Variants in RALGAPA1 observed in about 807,000 individuals in gnomAD.
RALGAPA1 encodes ral GTPase-activating protein subunit alpha-1.
In RALGAPA1, 52 loss-of-function variants were observed where a neutral mutation model predicts 269.6. The ratio of observed to expected loss-of-function variants is 0.19; its 90% CI spans 0.15 to 0.24. The LOEUF (loss-of-function observed/expected upper bound fraction) is 0.24, where lower values mean the gene tolerates loss of function less well. Among genes scored for constraint, RALGAPA1 ranks in the 10% least tolerant of loss-of-function variants. The pLI is 1.00. For synonymous variants in RALGAPA1, 817 were observed against 1,008.3 expected (o/e 0.81, Z 3.60); for missense variants, 1,917 against 3,013.9 (o/e 0.64, Z 8.52).
chr14:35,676,210 A>C (rs909710717), intron 22 of RALGAPA1: 1 of 151,836 alleles, frequency 6.6e-6, no homozygotes, highest in South Asian at 2.1e-4. Context: ...TCTTTGATTA[A>C]ATTCTTTTTT....
chr14:35,721,270 T>C (rs1360727369), intron 16 of RALGAPA1, among the ~76,000 whole-genome samples: 1 of 152,216 alleles, frequency 6.6e-6, no homozygotes, highest in Non-Finnish European at 1.5e-5. Context: ...AATGAGATTC[T>C]TGTTGGAAGT....
intron 1 of RALGAPA1, among the ~76,000 whole-genome samples, chr14:35,792,432 T>C (rs911951625): frequency 1.3e-5 from 2 of 152,040 alleles, no homozygotes; most frequent in Non-Finnish European, 2.9e-5. Flanking sequence ...GTTGGGATTA[T>C]AGGCATGAAC....
chr14:35,798,885 A>G (rs535793454), intron 1 of RALGAPA1, among the ~76,000 whole-genome samples: 3 of 151,992 alleles, frequency 2.0e-5, no homozygotes, highest in Middle Eastern at 3.4e-3. Flanking sequence ...AATCCCAGCT[A>G]TTTTGCAGAC....
intron 1 of RALGAPA1, among the ~76,000 whole-genome samples, chr14:35,790,212 C>T (rs775551668): frequency 1.3e-5 from 2 of 152,052 alleles, no homozygotes; most frequent in Non-Finnish European, 2.9e-5. Flanking sequence ...GAGATCTCAC[C>T]ACTGCACTCC....
chr14:35,541,047 T>TTTTTTTTTTTTTTTTTTTTC, intron 41 of RALGAPA1, among the ~76,000 whole-genome samples: 1 of 130,506 alleles, frequency 7.7e-6, no homozygotes, highest in African/African-American at 3.4e-5. Flanking sequence ...TCAATTTTTT[T>TTTTTTTTTTTTTTTTTTTTC]TTTTTTTTTT....
At position 35,779,899 on chromosome 14, in the gene RALGAPA1, G is replaced by A. The variant is rs187817639; in HGVS notation, c.107-4154C>T. 3.9e-4 allele frequency among the ~76,000 whole-genome samples: 60 copies of A among 152,250 alleles called. 2 individuals are homozygous for A. In the South Asian group the frequency reaches 0.011, roughly 27 times the overall value. On this transcript the variant is annotated intron_variant, in intron 1 of 41. Coordinates refer to ENST00000680220, the MANE Select transcript of RALGAPA1 (RefSeq NM_001346249.2). ...AGCACTTTGGGAGGCTGAGGTGGGC[G>A]GATCATGAGGTTAAGAGATTGAGAC...
intron 17 of RALGAPA1, among the ~76,000 whole-genome samples, chr14:35,698,515 A>C (rs2067079878): frequency 6.6e-6 from 1 of 152,180 alleles, no homozygotes; most frequent in Non-Finnish European, 1.5e-5. Flanking sequence ...TAATCCAATC[A>C]AACTTTTAAG....
intron 39 of RALGAPA1, among the ~76,000 whole-genome samples, chr14:35,549,924 C>T (rs1594522420): frequency 6.6e-6 from 1 of 152,260 alleles, no homozygotes; most frequent in East Asian, 1.9e-4. Flanking sequence ...CCACAGGACT[C>T]CTAAATACTG....
chr14:35,777,363 T>G (rs1157751325), intron 1 of RALGAPA1, among the ~76,000 whole-genome samples: 1 of 152,222 alleles, frequency 6.6e-6, no homozygotes, highest in African/African-American at 2.4e-5. Flanking sequence ...TATGTATTTA[T>G]GCATAGAAGA....
intron 1 of RALGAPA1, among the ~76,000 whole-genome samples, chr14:35,795,132 T>C (rs1040931222): frequency 6.6e-6 from 1 of 152,158 alleles, no homozygotes; most frequent in South Asian, 2.1e-4. Flanking sequence ...AGGAGAGTGA[T>C]TTCTGAAAGA....
intron 16 of RALGAPA1, among the ~76,000 whole-genome samples, chr14:35,720,050 C>T (rs954977913): frequency 3.3e-5 from 5 of 152,174 alleles, no homozygotes; most frequent in African/African-American, 1.2e-4. Context: ...CCGCGCCCGG[C>T]CAACAATTCT....
At chr14:35,562,685 A>G (rs1258524680) in intron 39 of RALGAPA1, among the ~76,000 whole-genome samples, 1 of 152,046 alleles carries the variant, frequency 6.6e-6, no homozygotes, top group East Asian at 1.9e-4. Context: ...CAAATCACAA[A>G]CTATAAGTTA....
intron 16 of RALGAPA1, among the ~76,000 whole-genome samples, chr14:35,705,297 T>C (rs942033236): frequency 1.3e-5 from 2 of 152,190 alleles, no homozygotes; most frequent in Admixed American, 1.3e-4. Context: ...ATCTTTATTC[T>C]CTGTGCTTGC....
chr14:35,738,407 AGGT>A (rs1024070562), intron 12 of RALGAPA1, 103 bp downstream of exon 12: 2 of 663,820 alleles, frequency 3.0e-6, no homozygotes, highest in Non-Finnish European at 4.5e-6. Flanking sequence ...TGATAAATAT[AGGT>A]GGTGAATTTA....
chr14:35,724,732 T>C (rs1178404644), intron 14 of RALGAPA1, among the ~76,000 whole-genome samples: 1 of 152,164 alleles, frequency 6.6e-6, no homozygotes, highest in East Asian at 1.9e-4. Flanking sequence ...ATATTATGTA[T>C]ACTACACAAG....
At chr14:35,542,953 C>T (rs1377289424) in intron 41 of RALGAPA1, among the ~76,000 whole-genome samples, 1 of 152,072 alleles carries the variant, frequency 6.6e-6, no homozygotes, top group Non-Finnish European at 1.5e-5. Context: ...ATTGTGGTTT[C>T]GTTTGTACTG....
rs780671652 is a variant in RALGAPA1, at chr14:35,674,168, T to C, written c.4917+12A>G. 2 of 1,567,568 alleles carry C rather than the reference T, an allele frequency of 1.3e-6. No individual in the cohort carries two copies. The highest frequency in any genetic ancestry group is 1.1e-5 in the South Asian group (1 of 87,908). ...AGAAGTTTTAAACTAATATTTTATA[T>C]ATTAAGCTTACCTTAAAAAGCCAAG... On this transcript the variant is annotated intron_variant, in intron 24 of 41. Coordinates refer to ENST00000680220, the MANE Select transcript of RALGAPA1 (RefSeq NM_001346249.2).
chr14:35,634,671 A>G lies in RALGAPA1; in HGVS notation c.5898T>C (p.Asp1966=). ...TTTCCAAATGCATAAAAGGATCATAATCTACAGATGCCAAATCAGAGAGGC... is the reference window on the plus strand; with the variant it reads ...TTTCCAAATGCATAAAAGGATCATAGTCTACAGATGCCAAATCAGAGAGGC... ...PMSLSDLASV[D]YDPFMHLESL... Residue 1966 remains aspartate, a synonymous_variant, in exon 33 of 42, where the codon GAT becomes GAC. Coordinates refer to ENST00000680220, the MANE Select transcript of RALGAPA1 (RefSeq NM_001346249.2). The G allele has an allele frequency of 6.2e-7, 1 of 1,613,792 alleles. No individual in the cohort carries two copies. The highest frequency in any genetic ancestry group is 8.5e-7 in the Non-Finnish European group (1 of 1,179,744).
intron 15 of RALGAPA1, 125 bp downstream of exon 15, chr14:35,722,902 A>G: frequency 1.9e-6 from 1 of 533,918 alleles, no homozygotes; most frequent in Non-Finnish European, 3.3e-6. Context: ...CATTTTGTTT[A>G]ATTCTTAAAA....
Sources: gnomAD v4.1 joint callset for allele counts (sites outside exome capture counted in the v4.1 genomes callset) on GRCh38, gnomAD v4.1.1 for gene constraint, MANE v1.5 for transcripts, NCBI Gene and HGNC (gene_info 2026-07-23, HGNC 2026-07-21) for gene names.